Variants in GADL1 observed in about 807,000 individuals in gnomAD.
The protein encoded by GADL1 is acidic amino acid decarboxylase GADL1.
A neutral mutation model predicts 69.5 loss-of-function variants in GADL1; 71 were observed. The observed-to-expected ratio is 1.02, with a 90% confidence interval of 0.84 to 1.25. The LOEUF is 1.25. GADL1 is among the 50% of genes most tolerant of loss of function. GADL1 has a pLI of 0.00. For missense variants in GADL1, 737 were observed against 631.8 expected, an observed-to-expected ratio of 1.17 and a Z score of -1.79; for synonymous variants, 254 against 214.4, an observed-to-expected ratio of 1.18 and a Z score of -1.62.
intron 1 of GADL1, among the ~76,000 whole-genome samples, chr3:30,863,299 A>G (rs1383450645): frequency 6.6e-6 from 1 of 152,022 alleles, no homozygotes; most frequent in East Asian, 1.9e-4. Flanking sequence ...AGAAAGCAGC[A>G]CAATGATTTG....
At position 30,885,599 on chromosome 3, in the gene GADL1, T is replaced by A. The variant is rs548693019; in HGVS notation, c.37+8979A>T. Among the ~76,000 whole-genome samples, 5 of 152,162 alleles carry A rather than the reference T, an allele frequency of 3.3e-5. No individual in the cohort carries two copies. The East Asian group carries it at 7.7e-4, about 24-fold the overall frequency. ...ATCAACCCAATCACCCACAACTACT[T>A]TTAATTCCTAGGTGTAAATATTTTC... On this transcript the variant is annotated intron_variant, in intron 1 of 14. Transcript: ENST00000282538.
intron 4 of GADL1, 111 bp downstream of exon 4, chr3:30,854,588 G>T: frequency 1.6e-6 from 1 of 628,118 alleles, no homozygotes; most frequent in South Asian, 2.2e-5. Context: ...CATTATTTGC[G>T]ATGGCACTAT....
intron 14 of GADL1, among the ~76,000 whole-genome samples, chr3:30,768,997 T>C (rs889310278): frequency 3.3e-5 from 5 of 152,168 alleles, no homozygotes; most frequent in Non-Finnish European, 5.9e-5. Context: ...ATTCTTTGTT[T>C]TTGCAACAAC....
Position 30,726,201 on chromosome 3 carries a change from C to CTA in GADL1, c.*2039_*2040dup, listed in dbSNP as rs1695364294. On this transcript the variant is annotated 3_prime_UTR_variant, in exon 15 of 15. Transcript: ENST00000282538. ...ACTAAACAAGAGAGTCCACTCTTTG[C>CTA]TATAACTGCTTTTTCCATTTTATTC... 1 of 152,094 alleles carries CTA rather than the reference C, an allele frequency of 6.6e-6. No individual in the cohort carries two copies. Among genetic ancestry groups the CTA allele is most frequent in the Non-Finnish European group, 1.5e-5 (1 of 68,012 alleles). The allele number at this position is 152,094 out of a possible 1,614,324, so 9.4% of individuals were successfully genotyped here.
Position 30,829,796 on chromosome 3 carries a change from A to G in GADL1, c.1050+4057T>C, listed in dbSNP as rs547958748. ...ACAACACAGTGGTGAATATAATGAC[A>G]TTCTTTCTCCTCATGTAGCTTCCAT... On this transcript the variant is annotated intron_variant, in intron 11 of 14. Coordinates refer to ENST00000282538, the MANE Select transcript of GADL1 (RefSeq NM_207359.3). Among the ~76,000 whole-genome samples, 4 of 152,070 alleles carry G rather than the reference A, an allele frequency of 2.6e-5. No individual in the cohort carries two copies. In the South Asian group the frequency reaches 8.3e-4, roughly 32 times the overall value.
intron 11 of GADL1, among the ~76,000 whole-genome samples, 184 bp from the exon 12 acceptor site, chr3:30,801,272 T>A (rs1209005191): frequency 6.6e-6 from 1 of 152,154 alleles, no homozygotes; most frequent in Non-Finnish European, 1.5e-5. Context: ...CCCATGGTGT[T>A]ACCAAACAAA....
At chr3:30,774,640 C>G (rs1696492102) in intron 14 of GADL1, among the ~76,000 whole-genome samples, 2 of 152,044 alleles carry the variant, frequency 1.3e-5, no homozygotes, top group Non-Finnish European at 1.5e-5. Flanking sequence ...TATAATAAAA[C>G]TTTTCTTATA....
chr3:30,755,291 T>TAAAG (rs34434852), intron 14 of GADL1, among the ~76,000 whole-genome samples: 61,315 of 151,842 alleles, frequency 0.4, 12,624 homozygotes, highest in East Asian at 0.51. Context: ...CTTGATTTAT[T>TAAAG]AACCTGGATG....
intron 1 of GADL1, among the ~76,000 whole-genome samples, chr3:30,888,682 C>T (rs1698741902): frequency 6.6e-6 from 1 of 152,076 alleles, no homozygotes; most frequent in Non-Finnish European, 1.5e-5. Flanking sequence ...TATATTAGGG[C>T]TGCATAACAA....
intron 14 of GADL1, among the ~76,000 whole-genome samples, chr3:30,770,543 GTCA>G (rs1347777723): frequency 2.0e-5 from 3 of 152,124 alleles, no homozygotes; most frequent in African/African-American, 7.2e-5. Flanking sequence ...TCCCATGACT[GTCA>G]TCGAGGGTGC....
chr3:30,851,807 TCCTCC>T (rs1489339091), intron 4 of GADL1, among the ~76,000 whole-genome samples: 1 of 152,094 alleles, frequency 6.6e-6, no homozygotes, highest in Non-Finnish European at 1.5e-5. Context: ...TGCATCCTCC[TCCTCC>T]TTCCCCAGGT....
chr3:30,835,549 T>G (rs1697860268), intron 9 of GADL1, among the ~76,000 whole-genome samples: 1 of 152,022 alleles, frequency 6.6e-6, no homozygotes, highest in Non-Finnish European at 1.5e-5. Context: ...TAAAAACAAC[T>G]TTCATTGACA....
At chr3:30,887,615 A>G (rs1210029161) in intron 1 of GADL1, among the ~76,000 whole-genome samples, 2 of 151,502 alleles carry the variant, frequency 1.3e-5, no homozygotes, top group Admixed American at 6.6e-5. Context: ...TATTTTTTTT[A>G]TGAATTATTT....
chr3:30,742,002 T>G (rs2125473470), intron 14 of GADL1, among the ~76,000 whole-genome samples: 1 of 152,310 alleles, frequency 6.6e-6, no homozygotes, highest in South Asian at 2.1e-4. Context: ...GAGGCTTTCC[T>G]GTAGGTGCTC....
At chr3:30,801,506 T>G (rs879644441) in intron 11 of GADL1, among the ~76,000 whole-genome samples, 3 of 152,108 alleles carry the variant, frequency 2.0e-5, no homozygotes, top group Non-Finnish European at 4.4e-5. Context: ...TTTTAAGACC[T>G]TCTCTCCTTC....
intron 14 of GADL1, among the ~76,000 whole-genome samples, chr3:30,756,000 G>A (rs1695961541): frequency 6.6e-6 from 1 of 152,076 alleles, no homozygotes; most frequent in South Asian, 2.1e-4. Context: ...AGTTCACACA[G>A]TCACCTCACC....
chr3:30,820,151 G>A (rs1155523), intron 11 of GADL1, among the ~76,000 whole-genome samples: 11,373 of 151,790 alleles, frequency 0.075, 578 homozygotes, highest in Non-Finnish European at 0.11. Flanking sequence ...GTAAAATGAG[G>A]TTAATCAGTA....
chr3:30,752,330 G>C (rs1374064857), intron 14 of GADL1, among the ~76,000 whole-genome samples: 1 of 152,046 alleles, frequency 6.6e-6, no homozygotes, highest in Non-Finnish European at 1.5e-5. Flanking sequence ...TATCTCTCTT[G>C]CTGACAGTTA....
chr3:30,752,896 G>C (rs973740718), intron 14 of GADL1, among the ~76,000 whole-genome samples: 3 of 151,248 alleles, frequency 2.0e-5, no homozygotes, highest in Non-Finnish European at 4.4e-5. Context: ...ATCAGTATAA[G>C]ATGATGGCAA....
Sources: gnomAD v4.1 joint callset for allele counts (sites outside exome capture counted in the v4.1 genomes callset) on GRCh38, gnomAD v4.1.1 for gene constraint, MANE v1.5 for transcripts, NCBI Gene and HGNC (gene_info 2026-07-23, HGNC 2026-07-21) for gene names.